WDFY4: variants seen among roughly 807,000 people sequenced by gnomAD.
WDFY4 encodes the protein WD repeat- and FYVE domain-containing protein 4.
Under a neutral mutation model 351.9 loss-of-function variants are expected in WDFY4, and 169 were observed. That is an observed-to-expected ratio of 0.48 (90% confidence interval 0.42 to 0.55). WDFY4 has a LOEUF of 0.55. WDFY4 is among the 20% of genes least tolerant of loss of function. The probability of loss-of-function intolerance (pLI) is 0.00; values close to 1 mark genes in which losing one functional copy is unlikely to be tolerated. For synonymous variants in WDFY4, 1,622 were observed against 1,574.6 expected (o/e 1.03, Z -0.71); for missense variants, 3,803 against 3,935.6 (o/e 0.97, Z 0.90).
intron 13 of WDFY4, among the ~76,000 whole-genome samples, chr10:48,770,287 A>G (rs1277259240): frequency 1.3e-5 from 2 of 152,292 alleles, no homozygotes; most frequent in East Asian, 1.9e-4. Context: ...TTTTTTGCAT[A>G]TTTAGATTTT....
At chr10:48,905,816 G>A (rs1352203593) in intron 47 of WDFY4, among the ~76,000 whole-genome samples, 1 of 152,252 alleles carries the variant, frequency 6.6e-6, no homozygotes, top group Admixed American at 6.5e-5. Context: ...GCTCATAGTA[G>A]GTGCCCAGTA....
At chr10:48,838,657 C>T (rs1214193854) in intron 39 of WDFY4, among the ~76,000 whole-genome samples, 1 of 152,204 alleles carries the variant, frequency 6.6e-6, no homozygotes, top group Non-Finnish European at 1.5e-5. Flanking sequence ...CACTTGACTT[C>T]AACAATTTTC....
chr10:48,875,048 C>A (rs1359445838), intron 41 of WDFY4, 41 bp from the exon 42 acceptor site: 2 of 1,286,062 alleles, frequency 1.6e-6, no homozygotes, highest in Non-Finnish European at 1.1e-6. Flanking sequence ...ATAGATGTAG[C>A]ATCCAGGATT....
chr10:48,863,499 T>C (rs1432508326), intron 39 of WDFY4, among the ~76,000 whole-genome samples: 3 of 152,232 alleles, frequency 2.0e-5, no homozygotes, highest in Non-Finnish European at 2.9e-5. Flanking sequence ...AATATCTTCC[T>C]TGAAGAGCAG....
chr10:48,905,855 A>T (rs1837588307), intron 47 of WDFY4, among the ~76,000 whole-genome samples: 1 of 152,246 alleles, frequency 6.6e-6, no homozygotes, highest in African/African-American at 2.4e-5. Context: ...TAATTTTAGA[A>T]TCACCTGATG....
At chr10:48,755,465 C>G (rs866438558) in intron 12 of WDFY4, among the ~76,000 whole-genome samples, 3 of 152,110 alleles carry the variant, frequency 2.0e-5, no homozygotes, top group African/African-American at 7.2e-5. Flanking sequence ...TGAAGATTTT[C>G]TCCTATGTTT....
intron 1 of WDFY4, among the ~76,000 whole-genome samples, chr10:48,698,845 A>G (rs1257556116): frequency 6.6e-6 from 1 of 152,134 alleles, no homozygotes; most frequent in Non-Finnish European, 1.5e-5. Flanking sequence ...GTAGGCAGAG[A>G]GACATTTATT....
Position 48,786,832 on chromosome 10 carries a change from C to T in WDFY4, c.3770C>T (p.Pro1257Leu). Residue 1257 changes from proline to leucine, a missense_variant, in exon 20 of 62, where the codon CCA (proline) becomes CTA (leucine). Pro to Leu is a moderately conservative substitution (Grantham distance 98). Transcript: ENST00000325239. ...CTGGAAGTTATTAACAAACTTGGCC[C>T]AAGATATTGTGGTAACTTCCAAGCT... ...ETLEVINKLG[P>L]RYCGNFQAVH... The T allele has an allele frequency of 6.4e-7, 1 of 1,552,138 alleles. No homozygotes were observed. The highest frequency in any genetic ancestry group is 8.7e-7 in the Non-Finnish European group (1 of 1,147,098).
intron 45 of WDFY4, among the ~76,000 whole-genome samples, chr10:48,898,355 C>T (rs1268510120): frequency 6.6e-6 from 1 of 152,058 alleles, no homozygotes; most frequent in Non-Finnish European, 1.5e-5. Flanking sequence ...AAGCTGCATC[C>T]CCAGTCCCTG....
At chr10:48,751,359 T>C (rs1347038230) in intron 12 of WDFY4, among the ~76,000 whole-genome samples, 3 of 152,174 alleles carry the variant, frequency 2.0e-5, no homozygotes, top group Admixed American at 6.5e-5. Context: ...TCTGTAGGCA[T>C]TGCTCGGACT....
rs894935490 is a variant in WDFY4, at chr10:48,805,832, A to G, written c.4647-172A>G. The stretch of plus-strand genomic sequence containing the variant: ...AGAGCCAGAGTTAGCGTCTCTGGTG[A>G]ATCCTGACTGATTTTAGAAGTCTCT... On this transcript the variant is annotated intron_variant, in intron 26 of 61. Coordinates refer to ENST00000325239, the MANE Select transcript of WDFY4 (RefSeq NM_001394531.1). Among the ~76,000 whole-genome samples the G allele has an allele frequency of 3.3e-5, 5 of 152,282 alleles. No individual in the cohort carries two copies. In the East Asian group the frequency reaches 5.8e-4, roughly 18 times the overall value.
At chr10:48,694,460 A>C (rs2063278295) in intron 1 of WDFY4, among the ~76,000 whole-genome samples, 1 of 148,540 alleles carries the variant, frequency 6.7e-6, no homozygotes, top group African/African-American at 2.5e-5. Context: ...CTCTTCCACC[A>C]CCCCCTAGCC....
At chr10:48,820,458 T>C (rs553008617) in intron 33 of WDFY4, 21 bp downstream of exon 33, 4 of 1,549,654 alleles carry the variant, frequency 2.6e-6, no homozygotes, top group African/African-American at 1.4e-5. Flanking sequence ...AAAGGTGACA[T>C]TGGGCCATGT....
intron 47 of WDFY4, among the ~76,000 whole-genome samples, chr10:48,905,101 G>A (rs1589844339): frequency 6.6e-6 from 1 of 152,196 alleles, no homozygotes; most frequent in Non-Finnish European, 1.5e-5. Flanking sequence ...AACCTATTCT[G>A]TAATGTCACT....
chr10:48,728,354 G>T (rs2132320310), intron 7 of WDFY4, among the ~76,000 whole-genome samples: 1 of 152,280 alleles, frequency 6.6e-6, no homozygotes, highest in South Asian at 2.1e-4. Context: ...ATCTTCGAGT[G>T]GGGCCCAGGG....
chr10:48,944,351 C>G (rs1021778209), intron 49 of WDFY4, among the ~76,000 whole-genome samples: 3 of 152,174 alleles, frequency 2.0e-5, no homozygotes, highest in Non-Finnish European at 4.4e-5. Flanking sequence ...TAGCCTGCAC[C>G]CCTGCGCCCC....
Position 48,912,543 on chromosome 10 carries a change from C to T in WDFY4, c.7586+10680C>T, listed in dbSNP as rs1315897583. 2.0e-5 allele frequency among the ~76,000 whole-genome samples: 3 copies of T among 152,242 alleles called. No individual in the cohort carries two copies. In the East Asian group the frequency reaches 5.8e-4, roughly 29 times the overall value. On this transcript the variant is annotated intron_variant, in intron 47 of 61. Transcript: ENST00000325239. ...CTCAGACAGTGGTGCTCTGCCCCAT[C>T]TCATTTCAGTTGCTCTCTCCTCCAG...
In WDFY4 at chr10:48,725,873, T is replaced by A; in HGVS notation, c.592-8T>A. On this transcript the variant is annotated splice_region_variant and splice_polypyrimidine_tract_variant and intron_variant, in intron 5 of 61. Coordinates refer to ENST00000325239, the MANE Select transcript of WDFY4 (RefSeq NM_001394531.1). ...GTCTCCTTGACTGTTTATCTTCTTA[T>A]TTTTCAGATGTTGCTCAATATTTGC... 1 of 1,533,552 alleles carries A rather than the reference T, an allele frequency of 6.5e-7. No homozygotes were observed. The highest frequency in any genetic ancestry group is 8.8e-7 in the Non-Finnish European group (1 of 1,132,256). The allele number at this position is 1,533,552 out of a possible 1,614,324, so 95.0% of individuals were successfully genotyped here. A position where few individuals can be genotyped will look rare whatever the true frequency, so the allele number is the denominator to read the frequency against.
intron 43 of WDFY4, among the ~76,000 whole-genome samples, chr10:48,885,508 T>C (rs1369981092): frequency 6.6e-6 from 1 of 152,196 alleles, no homozygotes; most frequent in Non-Finnish European, 1.5e-5. Flanking sequence ...GTCTTCTCCA[T>C]GTCTGCAGAG....
Sources: gnomAD v4.1 joint callset for allele counts (sites outside exome capture counted in the v4.1 genomes callset) on GRCh38, gnomAD v4.1.1 for gene constraint, MANE v1.5 for transcripts, NCBI Gene and HGNC (gene_info 2026-07-23, HGNC 2026-07-21) for gene names.